The following MED13L variants were observed in gnomAD, a reference collection of about 807,000 sequenced individuals.
The protein encoded by MED13L is mediator complex subunit 13L.
MED13L carries 7 observed loss-of-function variants against 220.9 expected under a neutral mutation model. The observed-to-expected ratio is 0.03, with a 90% confidence interval of 0.02 to 0.06. The LOEUF is 0.06. Ranked by LOEUF, MED13L falls within the 10% of genes least tolerant of loss-of-function variation. The probability of loss-of-function intolerance (pLI) is 1.00; values close to 1 mark genes in which losing one functional copy is unlikely to be tolerated. For missense variants in MED13L, 1,965 were observed against 2,760.5 expected, an observed-to-expected ratio of 0.71 and a Z score of 6.46; for synonymous variants, 1,011 against 1,015.2, an observed-to-expected ratio of 1.00 and a Z score of 0.08.
At chr12:116,043,580 T>C (rs1881662681) in intron 4 of MED13L, among the ~76,000 whole-genome samples, 3 of 152,352 alleles carry the variant, frequency 2.0e-5, no homozygotes, top group East Asian at 1.9e-4. Context: ...GGATAATCAG[T>C]ACATGTGTCA....
chr12:115,986,605 C>T, intron 18 of MED13L, 116 bp from the exon 19 acceptor site: 1 of 947,530 alleles, frequency 1.1e-6, no homozygotes, highest in South Asian at 1.4e-5. Flanking sequence ...ACTCCATGTT[C>T]ACAAGACATT....
chr12:116,246,193 AT>A (rs1871081492), intron 1 of MED13L, among the ~76,000 whole-genome samples: 1 of 149,240 alleles, frequency 6.7e-6, no homozygotes, highest in Admixed American at 6.7e-5. Context: ...GAATAAACGC[AT>A]TTTTAGACAT....
At chr12:116,111,993 A>G (rs1302631423) in intron 2 of MED13L, among the ~76,000 whole-genome samples, 1 of 152,206 alleles carries the variant, frequency 6.6e-6, no homozygotes, top group Non-Finnish European at 1.5e-5. Context: ...TTGAAGGTCT[A>G]AAGGACATGA....
intron 5 of MED13L, among the ~76,000 whole-genome samples, chr12:116,021,426 A>T (rs764408542): frequency 2.6e-5 from 4 of 152,156 alleles, no homozygotes; most frequent in Non-Finnish European, 4.4e-5. Flanking sequence ...AAAAATTCTG[A>T]TAAGCCATAA....
chr12:116,012,645 T>C (rs1468284857), intron 9 of MED13L, 152 bp downstream of exon 9: 9 of 685,578 alleles, frequency 1.3e-5, no homozygotes, highest in African/African-American at 3.6e-5. Flanking sequence ...AATAAAACTG[T>C]ATCATCTGCA....
At chr12:115,976,726 T>A (rs982568165) in intron 23 of MED13L, among the ~76,000 whole-genome samples, 12 of 152,198 alleles carry the variant, frequency 7.9e-5, no homozygotes, top group African/African-American at 2.9e-4. Flanking sequence ...ATGTTTTAAT[T>A]GTCATATTTT....
chr12:116,174,200 G>C (rs565940199), intron 2 of MED13L, among the ~76,000 whole-genome samples: 5 of 152,088 alleles, frequency 3.3e-5, no homozygotes, highest in African/African-American at 1.2e-4. Context: ...AGAGACGAAG[G>C]TTTCTTAGTG....
In MED13L at chr12:115,991,917, G is replaced by A; in HGVS notation, c.3037C>T (p.Leu1013=). The change falls in exon 17 of 31, where the codon CTG becomes TTG. Residue 1013 remains leucine (L), a synonymous_variant. Transcript: ENST00000281928. The surrounding 1 kb of genome is among the most constrained non-coding windows in gnomAD (Gnocchi z 7.7). The part of the protein sequence containing the change: ...SVGSLADPDY[L]NTPQMNTPVT... The stretch of plus-strand genomic sequence containing the variant: ...GGTGTGTTCATCTGTGGTGTGTTCA[G>A]ATAGTCTGGATCTGCTAGGCTCCCA... 1 of 1,600,222 alleles carries A rather than the reference G, an allele frequency of 6.2e-7. No homozygotes were observed. The highest frequency in any genetic ancestry group is 8.5e-7 in the Non-Finnish European group (1 of 1,179,918).
chr12:116,022,814 G>GT (rs1345016375), intron 4 of MED13L, among the ~76,000 whole-genome samples: 6 of 152,084 alleles, frequency 3.9e-5, no homozygotes, highest in African/African-American at 1.2e-4. Context: ...GAGAACTTTT[G>GT]TAAGTTACTG....
At chr12:115,980,634 TA>T in intron 23 of MED13L, 115 bp downstream of exon 23, 1 of 1,108,732 alleles carries the variant, frequency 9.0e-7, no homozygotes, top group Non-Finnish European at 1.4e-6. Context: ...TAGCAACTCT[TA>T]TATCAATGTA....
chr12:116,202,349 T>G (rs1724533840), intron 2 of MED13L, among the ~76,000 whole-genome samples: 2 of 152,192 alleles, frequency 1.3e-5, no homozygotes, highest in Admixed American at 1.3e-4. Flanking sequence ...TTGGCAGATA[T>G]AAGTACCCTT....
At chr12:115,983,698 T>G (rs945881892) in intron 20 of MED13L, among the ~76,000 whole-genome samples, 158 bp from the exon 21 acceptor site, 1 of 152,238 alleles carries the variant, frequency 6.6e-6, no homozygotes, top group Non-Finnish European at 1.5e-5. Context: ...TGCTTATGTA[T>G]TCTGCAAACA....
rs112099545 is a variant in MED13L at position 116,104,145 on chromosome 12, G to C, written c.395+7283C>G. On this transcript the variant is annotated intron_variant, in intron 3 of 30. Coordinates refer to ENST00000281928, the MANE Select transcript of MED13L (RefSeq NM_015335.5). ...CCTGCCTCAGTCTCCCAAGTAGCTG[G>C]GATTACAGGCATGTGCAACCACACC... 8.3e-3 allele frequency among the ~76,000 whole-genome samples: 1,251 copies of C among 151,460 alleles called. 23 individuals carry two copies. Among genetic ancestry groups the C allele is most frequent in the African/African-American group, 0.029 (1,180 of 41,248 alleles).
At chr12:116,061,229 A>C (rs2137635561) in intron 4 of MED13L, among the ~76,000 whole-genome samples, 1 of 152,304 alleles carries the variant, frequency 6.6e-6, no homozygotes, top group East Asian at 1.9e-4. Flanking sequence ...TTCACAGCTA[A>C]ACATTAACTG....
In MED13L at chr12:116,028,284, G is replaced by A. The variant is rs776664854; in HGVS notation, c.480-5683C>T. Among the ~76,000 whole-genome samples the A allele has an allele frequency of 3.5e-4, 54 of 152,208 alleles. 1 individual carries two copies. Among genetic ancestry groups the A allele is most frequent in the Admixed American group, 2.0e-4 (3 of 15,276 alleles). ...TAGGGTATACAGTGTTACATGAGAA[G>A]TGGGAGGTAAATCTTTATTACAAGC... On this transcript the variant is annotated intron_variant, in intron 4 of 30. Coordinates refer to ENST00000281928, the MANE Select transcript of MED13L (RefSeq NM_015335.5).
chr12:116,162,464 T>C (rs772770664), intron 2 of MED13L, among the ~76,000 whole-genome samples: 18 of 152,332 alleles, frequency 1.2e-4, no homozygotes, highest in Non-Finnish European at 2.4e-4. Flanking sequence ...TATGGACTAA[T>C]ACAAGAGGGT....
intron 2 of MED13L, among the ~76,000 whole-genome samples, chr12:116,197,160 C>T (rs1190541821): frequency 5.9e-5 from 9 of 152,210 alleles, no homozygotes; most frequent in East Asian, 5.8e-4. Context: ...TATTAAGCTC[C>T]GGTGGATGAA....
rs761554764 is a variant in MED13L, at chr12:115,987,261, T to C, written c.3962A>G (p.Gln1321Arg). 1 of 1,613,432 alleles carries C rather than the reference T, an allele frequency of 6.2e-7. No homozygotes were observed. Among genetic ancestry groups the C allele is most frequent in the Admixed American group, 1.7e-5 (1 of 60,018 alleles). The change falls in exon 18 of 31, where the codon CAG (glutamine) becomes CGG (arginine). Residue 1321 changes from glutamine to arginine, a missense_variant. Physicochemically the swap from Gln to Arg is conservative, Grantham distance 43 (BLOSUM62 1). This residue lies in a region of MED13L where 165 missense variants were observed against 190.8 expected (regional missense o/e 0.86). Coordinates refer to ENST00000281928, the MANE Select transcript of MED13L (RefSeq NM_015335.5). ...NVLDISMLSS[Q>R]DVVRMLLSLQ... ...GGACAACAGCATACGAACCACATCC[T>C]GGGAGGAGAGCATGCTGATGTCCAG...
intron 2 of MED13L, among the ~76,000 whole-genome samples, chr12:116,201,583 T>C (rs1258148483): frequency 6.6e-6 from 1 of 152,180 alleles, no homozygotes; most frequent in Non-Finnish European, 1.5e-5. Context: ...TTAATGCATT[T>C]AATAACACAT....
Sources: allele counts gnomAD v4.1 joint callset (sites outside exome capture counted in the v4.1 genomes callset), GRCh38; gene constraint gnomAD v4.1.1; regional missense constraint gnomAD v4.1.1; non-coding constraint Gnocchi (gnomAD v3.1); transcripts MANE v1.5; gene names NCBI Gene and HGNC (gene_info 2026-07-23, HGNC 2026-07-21).